Variants in UBE2R2 observed in about 807,000 individuals in gnomAD.
The protein encoded by UBE2R2 is ubiquitin-conjugating enzyme E2 R2.
Under a neutral mutation model 27.8 loss-of-function variants are expected in UBE2R2, and 1 was observed. The observed-to-expected ratio is 0.04, with a 90% CI of 0.01 to 0.17. The LOEUF is 0.17. Among genes scored for constraint, UBE2R2 ranks in the 10% least tolerant of loss-of-function variants. The pLI is 1.00. For missense variants in UBE2R2, 100 were observed against 291.0 expected (o/e 0.34, Z 4.78); for synonymous variants, 106 against 113.3 (o/e 0.94, Z 0.41).
At chr9:33,846,348 A>G (rs898829028) in intron 1 of UBE2R2, among the ~76,000 whole-genome samples, 1 of 152,160 alleles carries the variant, frequency 6.6e-6, no homozygotes, top group Non-Finnish European at 1.5e-5. Context: ...TGAGTTAGGT[A>G]CTGTTGTGTG....
chr9:33,910,985 T>C (rs953014680), intron 3 of UBE2R2, among the ~76,000 whole-genome samples: 10 of 152,010 alleles, frequency 6.6e-5, no homozygotes, highest in African/African-American at 2.4e-4. Context: ...ATGCCTGTAA[T>C]CCCAGCTACT....
chr9:33,844,746 G>T (rs778963110), intron 1 of UBE2R2, among the ~76,000 whole-genome samples: 15 of 151,458 alleles, frequency 9.9e-5, no homozygotes, highest in Non-Finnish European at 1.9e-4. Context: ...TAGAGCCAAG[G>T]AAAACCACTC....
intron 3 of UBE2R2, among the ~76,000 whole-genome samples, chr9:33,903,858 A>G (rs1822296940): frequency 6.6e-6 from 1 of 152,160 alleles, no homozygotes; most frequent in African/African-American, 2.4e-5. Context: ...CTTCCCAACT[A>G]CAACTAGTTA....
intron 2 of UBE2R2, among the ~76,000 whole-genome samples, chr9:33,895,520 G>T (rs1300992481): frequency 6.6e-6 from 1 of 151,970 alleles, no homozygotes; most frequent in African/African-American, 2.4e-5. Context: ...CATTGTTTTG[G>T]CTCTTTGGGT....
intron 1 of UBE2R2, among the ~76,000 whole-genome samples, chr9:33,818,269 C>T (rs963425914): frequency 8.6e-5 from 13 of 150,764 alleles, no homozygotes; most frequent in Non-Finnish European, 1.8e-4. Context: ...TCTATCTGTG[C>T]TTTTTCGTTC....
chr9:33,818,592 C>G (rs1431691363), intron 1 of UBE2R2: 2 of 147,674 alleles, frequency 1.4e-5, no homozygotes, highest in African/African-American at 5.0e-5. Context: ...TTTGGGGGAA[C>G]TTTAACCCTC....
chr9:33,886,846 C>G, intron 1 of UBE2R2, 35 bp from the exon 2 acceptor site: 2 of 1,518,640 alleles, frequency 1.3e-6, no homozygotes, highest in Non-Finnish European at 1.8e-6. Context: ...AAGTTATAGT[C>G]TCATTTATTA....
At chr9:33,881,218 C>CAG (rs1821726289) in intron 1 of UBE2R2, among the ~76,000 whole-genome samples, 2 of 152,150 alleles carry the variant, frequency 1.3e-5, no homozygotes, top group Non-Finnish European at 2.9e-5. Flanking sequence ...TATACTTTCT[C>CAG]TGTTATTCAG....
chr9:33,878,689 C>T (rs1821667990), intron 1 of UBE2R2, among the ~76,000 whole-genome samples: 1 of 152,068 alleles, frequency 6.6e-6, no homozygotes, highest in Admixed American at 6.6e-5. Flanking sequence ...CAGCAGCCTG[C>T]CAGAGAGAAG....
intron 1 of UBE2R2, among the ~76,000 whole-genome samples, chr9:33,858,889 A>G (rs914202727): frequency 1.2e-4 from 18 of 152,104 alleles, no homozygotes; most frequent in Middle Eastern, 3.4e-3. Context: ...CAGTGGCGCA[A>G]TCTCAGCTCA....
chr9:33,861,861 T>C (rs1435586897), intron 1 of UBE2R2, among the ~76,000 whole-genome samples: 1 of 147,780 alleles, frequency 6.8e-6, no homozygotes, highest in Non-Finnish European at 1.5e-5. Context: ...TTTTTTTTTT[T>C]TTTTTTTTTT....
At chr9:33,864,155 A>ATATATGTAAG (rs1164035004) in intron 1 of UBE2R2, among the ~76,000 whole-genome samples, 1 of 152,120 alleles carries the variant, frequency 6.6e-6, no homozygotes, top group African/African-American at 2.4e-5. Context: ...GCTGATGTTC[A>ATATATGTAAG]TATATGTAAG....
At chr9:33,848,378 C>G (rs934732913) in intron 1 of UBE2R2, among the ~76,000 whole-genome samples, 1 of 152,066 alleles carries the variant, frequency 6.6e-6, no homozygotes, top group Non-Finnish European at 1.5e-5. Context: ...AAATTGTATA[C>G]AGACTTTGCA....
At chr9:33,911,395 T>G (rs1822481890) in intron 3 of UBE2R2, among the ~76,000 whole-genome samples, 1 of 53,822 alleles carries the variant, frequency 1.9e-5, no homozygotes, top group East Asian at 7.1e-4. Context: ...AGAGTGAAAC[T>G]CCATCTCAAA....
intron 3 of UBE2R2, among the ~76,000 whole-genome samples, chr9:33,906,599 TGATGC>T (rs1163100367): frequency 6.6e-6 from 1 of 152,148 alleles, no homozygotes; most frequent in Non-Finnish European, 1.5e-5. Context: ...GTCTTATTTG[TGATGC>T]TAGGGCTATC....
At chr9:33,891,384 G>A (rs906745240) in intron 2 of UBE2R2, among the ~76,000 whole-genome samples, 12 of 151,598 alleles carry the variant, frequency 7.9e-5, no homozygotes, top group Non-Finnish European at 1.5e-4. Flanking sequence ...GGTGGCTTAC[G>A]CCTGTAATCC....
At chr9:33,877,826 T>TCC (rs1293530819) in intron 1 of UBE2R2, among the ~76,000 whole-genome samples, 3 of 143,610 alleles carry the variant, frequency 2.1e-5, no homozygotes, top group Non-Finnish European at 4.5e-5. Flanking sequence ...TCTGTCTGTC[T>TCC]CTCTCTCTCT....
At chr9:33,833,220 G>A (rs181159016) in intron 1 of UBE2R2, among the ~76,000 whole-genome samples, 100 of 152,158 alleles carry the variant, frequency 6.6e-4, no homozygotes, top group Middle Eastern at 6.8e-3. Context: ...ACATGCCACC[G>A]TGCCTGGCTA....
chr9:33,897,369 G>A (rs1486023762), intron 2 of UBE2R2, among the ~76,000 whole-genome samples: 9 of 148,190 alleles, frequency 6.1e-5, no homozygotes, highest in Admixed American at 2.7e-4. Flanking sequence ...CCAGGCTGGA[G>A]TACAATGGTG....
Sources: allele counts gnomAD v4.1 joint callset (sites outside exome capture counted in the v4.1 genomes callset), GRCh38; gene constraint gnomAD v4.1.1; transcripts MANE v1.5; gene names NCBI Gene and HGNC (gene_info 2026-07-23, HGNC 2026-07-21).